ABCC9: variants seen among roughly 807,000 people sequenced by gnomAD.
The protein encoded by ABCC9 is ATP binding cassette subfamily C member 9.
Under a neutral mutation model 188.3 loss-of-function variants are expected in ABCC9, and 95 were observed. That is an observed-to-expected ratio of 0.50 (90% CI 0.43 to 0.60). The LOEUF is 0.60. ABCC9 is among the 20% of genes least tolerant of loss of function. ABCC9 has a pLI of 0.00. For synonymous variants in ABCC9, 659 were observed against 652.7 expected, an observed-to-expected ratio of 1.01 and a Z score of -0.15; for missense variants, 1,102 against 1,876.3, an observed-to-expected ratio of 0.59 and a Z score of 7.62.
intron 16 of ABCC9, among the ~76,000 whole-genome samples, chr12:21,877,973 AAAG>A (rs1232350597): frequency 1.3e-5 from 2 of 150,896 alleles, no homozygotes; most frequent in African/African-American, 2.4e-5. Context: ...ACTGGGAGAA[AAAG>A]AAGGAGTTCA....
At chr12:21,894,412 A>T (rs1452599501) in intron 13 of ABCC9, among the ~76,000 whole-genome samples, 1 of 152,210 alleles carries the variant, frequency 6.6e-6, no homozygotes, top group Non-Finnish European at 1.5e-5. Flanking sequence ...TTCTACTTAC[A>T]GGTTAGGTAA....
At chr12:21,935,926 CA>C (rs1156367994) in intron 3 of ABCC9, among the ~76,000 whole-genome samples, 2 of 152,016 alleles carry the variant, frequency 1.3e-5, no homozygotes, top group Admixed American at 6.6e-5. Context: ...AAATAATAGA[CA>C]AAACTGTATT....
intron 37 of ABCC9, among the ~76,000 whole-genome samples, chr12:21,808,307 A>AACC (rs1485035382): frequency 6.6e-6 from 1 of 152,148 alleles, no homozygotes; most frequent in Non-Finnish European, 1.5e-5. Flanking sequence ...AGCTGGCCTG[A>AACC]ACCAAATCTT....
chr12:21,849,959 C>T (rs144708540), intron 24 of ABCC9, among the ~76,000 whole-genome samples: 1 of 151,976 alleles, frequency 6.6e-6, no homozygotes, highest in Admixed American at 6.6e-5. Context: ...ACCCCTTGAT[C>T]CTTAAACTGA....
intron 24 of ABCC9, among the ~76,000 whole-genome samples, chr12:21,850,956 T>C (rs1005219374): frequency 2.0e-5 from 3 of 152,098 alleles, no homozygotes; most frequent in Admixed American, 2.0e-4. Context: ...TTTTTGCATA[T>C]ATCTTTTCTT....
At chr12:21,829,923 A>G (rs1943659557) in intron 30 of ABCC9, among the ~76,000 whole-genome samples, 1 of 152,196 alleles carries the variant, frequency 6.6e-6, no homozygotes, top group African/African-American at 2.4e-5. Context: ...AACCAAAGGA[A>G]AAAAACTGGG....
chr12:21,815,296 T>C (rs947036204), intron 34 of ABCC9, among the ~76,000 whole-genome samples: 1 of 151,790 alleles, frequency 6.6e-6, no homozygotes, highest in Non-Finnish European at 1.5e-5. Flanking sequence ...GTTTTTTTTT[T>C]TTTTTGCATT....
At position 21,799,917 on chromosome 12, in the gene ABCC9, A is replaced by G. The variant is rs1299998036; in HGVS notation, c.*1127T>C. Reference sequence around the variant, plus strand: ...CTAATATCCCATCAATTTTTGATACACTCTTTACATGCTCATTAAAATTAC... The same window carrying G: ...CTAATATCCCATCAATTTTTGATACGCTCTTTACATGCTCATTAAAATTAC... On this transcript the variant is annotated 3_prime_UTR_variant, in exon 40 of 40. Coordinates refer to ENST00000261200, the MANE Select transcript of ABCC9 (RefSeq NM_020297.4). The G allele has an allele frequency of 2.0e-5, 3 of 152,126 alleles. No homozygotes were observed. The highest frequency in any genetic ancestry group is 4.4e-5 in the Non-Finnish European group (3 of 68,022). The allele number at this position is 152,126 out of a possible 1,614,324, so 9.4% of individuals were successfully genotyped here. A position where few individuals can be genotyped will look rare whatever the true frequency, so the allele number is the denominator to read the frequency against.
At chr12:21,905,611 G>A (rs903154928) in intron 12 of ABCC9, among the ~76,000 whole-genome samples, 2 of 152,040 alleles carry the variant, frequency 1.3e-5, no homozygotes, top group African/African-American at 2.4e-5. Flanking sequence ...AAGTTTTCTC[G>A]GAGTAAAAGC....
intron 20 of ABCC9, among the ~76,000 whole-genome samples, chr12:21,862,639 C>G (rs769001300): frequency 6.6e-6 from 1 of 152,104 alleles, no homozygotes; most frequent in African/African-American, 2.4e-5. Context: ...TTTTCCTTCT[C>G]TATCTTCTCA....
chr12:21,861,147 A>G lies in ABCC9; in HGVS notation c.2340-92T>C, dbSNP rs768155816. 126 of 1,039,628 alleles carry G rather than the reference A, an allele frequency of 1.2e-4. 1 individual carries two copies. The highest frequency in any genetic ancestry group is 1.8e-4 in the Non-Finnish European group (117 of 668,270). 64.4% of individuals were successfully genotyped at this position (1,039,628 alleles called of 1,614,324 possible). On this transcript the variant is annotated intron_variant, in intron 20 of 39. Transcript: ENST00000261200. ...ATTCAATACTTTGGAAGTTGAAATAAAACATTTGCTGAATCACTTATTATA... is the reference window on the plus strand; with the variant it reads ...ATTCAATACTTTGGAAGTTGAAATAGAACATTTGCTGAATCACTTATTATA...
intron 7 of ABCC9, among the ~76,000 whole-genome samples, chr12:21,913,841 A>G (rs1352158035): frequency 6.6e-6 from 1 of 152,156 alleles, no homozygotes; most frequent in Non-Finnish European, 1.5e-5. Flanking sequence ...ACTAGAATAG[A>G]GCTCAATTAT....
intron 5 of ABCC9, 41 bp from the exon 6 acceptor site, chr12:21,917,144 C>G (rs1346594192): frequency 1.3e-6 from 2 of 1,584,120 alleles, no homozygotes; most frequent in Non-Finnish European, 1.7e-6. Flanking sequence ...GCAATCTTTT[C>G]TTAAACATCA....
chr12:21,835,274 A>G (rs559768989), intron 30 of ABCC9, among the ~76,000 whole-genome samples: 2 of 152,342 alleles, frequency 1.3e-5, no homozygotes, highest in Admixed American at 6.5e-5. Context: ...GACACCTAGT[A>G]TGTAACTGAC....
chr12:21,862,690 A>AC (rs890263465), intron 20 of ABCC9, among the ~76,000 whole-genome samples: 1 of 151,778 alleles, frequency 6.6e-6, no homozygotes, highest in Admixed American at 6.6e-5. Context: ...TACCCTCCCC[A>AC]CCCCACACAC....
In ABCC9 at chr12:21,813,732, T is replaced by C. The variant is rs550321631; in HGVS notation, c.4102+912A>G. ...AGCTGCTAACTTAGTGACAGAAGTT[T>C]ACCTTGTTCCTGAATCTGAACCCCA... On this transcript the variant is annotated intron_variant, in intron 35 of 39. Coordinates refer to ENST00000261200, the MANE Select transcript of ABCC9 (RefSeq NM_020297.4). Among the ~76,000 whole-genome samples, 19 of 152,336 alleles carry C rather than the reference T, an allele frequency of 1.2e-4. No homozygotes were observed. The South Asian group carries it at 3.7e-3, about 30-fold the overall frequency.
rs545484409 is a variant in ABCC9, at chr12:21,838,071, T to C, written c.3566+7A>G. On this transcript the variant is annotated splice_region_variant and intron_variant, in intron 30 of 39. Coordinates refer to ENST00000261200, the MANE Select transcript of ABCC9 (RefSeq NM_020297.4). ...TAGTCAGCTAATATAAAAATGTGTT[T>C]ACTCACCTAAAGGCCCGAATGGTGG... 6.2e-7 allele frequency: 1 copy of C among 1,603,956 alleles called. No homozygotes were observed. Among genetic ancestry groups the C allele is most frequent in the Non-Finnish European group, 8.5e-7 (1 of 1,170,782 alleles).
chr12:21,894,028 A>G lies in ABCC9; in HGVS notation c.1802+4T>C. 1 of 1,613,988 alleles carries G rather than the reference A, an allele frequency of 6.2e-7. No homozygotes were observed. The highest frequency in any genetic ancestry group is 8.5e-7 in the Non-Finnish European group (1 of 1,179,992). On this transcript the variant is annotated splice_donor_region_variant and intron_variant, in intron 14 of 39. Coordinates refer to ENST00000261200, the MANE Select transcript of ABCC9 (RefSeq NM_020297.4). Reference sequence around the variant, plus strand: ...CAAAAAATGCCAGACACTTCAGTGCATACCTTATGATGGCTTTGACTGCAA... The same window carrying G: ...CAAAAAATGCCAGACACTTCAGTGCGTACCTTATGATGGCTTTGACTGCAA...
At chr12:21,881,546 A>G (rs1158158127) in intron 16 of ABCC9, among the ~76,000 whole-genome samples, 1 of 152,222 alleles carries the variant, frequency 6.6e-6, no homozygotes, top group African/African-American at 2.4e-5. Context: ...AGAAAATGTC[A>G]ATTAAAAACT....
Sources: allele counts gnomAD v4.1 joint callset (sites outside exome capture counted in the v4.1 genomes callset), GRCh38; gene constraint gnomAD v4.1.1; transcripts MANE v1.5; gene names NCBI Gene and HGNC (gene_info 2026-07-23, HGNC 2026-07-21).